Variants in RGS7 observed in about 807,000 individuals in gnomAD.
RGS7 encodes regulator of G-protein signaling 7.
In RGS7, 27 loss-of-function variants were observed where a neutral mutation model predicts 81.1. The ratio of observed to expected loss-of-function variants is 0.33; its 90% CI spans 0.25 to 0.46. RGS7 has a LOEUF of 0.46. RGS7 is among the 20% of genes least tolerant of loss of function. The probability of loss-of-function intolerance (pLI) is 1.00; values close to 1 mark genes in which losing one functional copy is unlikely to be tolerated. For missense variants in RGS7, 396 were observed against 607.4 expected (o/e 0.65, Z 3.66); for synonymous variants, 208 against 207.7 (o/e 1.00, Z -0.01).
chr1:241,131,034 CA>C (rs2067052803), intron 2 of RGS7, among the ~76,000 whole-genome samples: 1 of 151,038 alleles, frequency 6.6e-6, no homozygotes, highest in Non-Finnish European at 1.5e-5. Context: ...AACTTTGTTA[CA>C]GAGATTTATT....
intron 3 of RGS7, among the ~76,000 whole-genome samples, chr1:241,036,212 T>G (rs1232836838): frequency 6.6e-6 from 1 of 152,110 alleles, no homozygotes; most frequent in Non-Finnish European, 1.5e-5. Context: ...TCAAACTATG[T>G]CTTTAAAATT....
At chr1:241,028,024 G>A (rs2059879869) in intron 3 of RGS7, among the ~76,000 whole-genome samples, 1 of 152,212 alleles carries the variant, frequency 6.6e-6, no homozygotes, top group Admixed American at 6.5e-5. Flanking sequence ...CCACTGGAGA[G>A]AAACGTGTAT....
chr1:241,350,557 C>T (rs2083171773), intron 2 of RGS7, among the ~76,000 whole-genome samples: 1 of 151,974 alleles, frequency 6.6e-6, no homozygotes, highest in South Asian at 2.1e-4. Context: ...TGTATATATT[C>T]CTCACTCTGC....
intron 4 of RGS7, among the ~76,000 whole-genome samples, chr1:240,939,310 T>A (rs1677166372): frequency 6.6e-6 from 1 of 152,228 alleles, no homozygotes; most frequent in Non-Finnish European, 1.5e-5. Flanking sequence ...TTATTCTGAT[T>A]TGATCATTGC....
intron 3 of RGS7, among the ~76,000 whole-genome samples, chr1:241,092,259 A>C (rs181087639): frequency 2.0e-4 from 31 of 152,328 alleles, no homozygotes; most frequent in African/African-American, 7.5e-4. Context: ...AGTACCACAA[A>C]TGAAGCAACT....
chr1:241,000,548 T>C (rs1217014249), intron 3 of RGS7, among the ~76,000 whole-genome samples: 1 of 152,204 alleles, frequency 6.6e-6, no homozygotes, highest in Non-Finnish European at 1.5e-5. Flanking sequence ...GGTAAGACTT[T>C]CTTTTTTTCA....
chr1:241,150,733 A>G (rs2068686965), intron 2 of RGS7, among the ~76,000 whole-genome samples: 1 of 152,212 alleles, frequency 6.6e-6, no homozygotes, highest in Non-Finnish European at 1.5e-5. Context: ...GAGGGAATTT[A>G]TTAGGGGAAT....
chr1:241,054,670 A>T (rs1032662232), intron 3 of RGS7, among the ~76,000 whole-genome samples: 1 of 152,188 alleles, frequency 6.6e-6, no homozygotes, highest in African/African-American at 2.4e-5. Flanking sequence ...TCAACCACAC[A>T]TCTATTAAGA....
rs1662302939 is a variant in RGS7, at chr1:240,862,055, T to C, written c.609+6532A>G. 2.0e-5 allele frequency among the ~76,000 whole-genome samples: 3 copies of C among 152,312 alleles called. No individual in the cohort carries two copies. The South Asian group carries it at 6.2e-4, about 32-fold the overall frequency. ...ATCTTTGTCATCCTACAATTTGGTG[T>C]ATTTCTCCCACTATATTCTTCAGTA... On this transcript the variant is annotated intron_variant, in intron 9 of 18. Coordinates refer to ENST00000440928, the MANE Select transcript of RGS7 (RefSeq NM_001364886.1).
At chr1:240,946,084 A>G (rs923405288) in intron 4 of RGS7, among the ~76,000 whole-genome samples, 1 of 152,216 alleles carries the variant, frequency 6.6e-6, no homozygotes, top group Admixed American at 6.5e-5. Flanking sequence ...ACAGTCTTTC[A>G]TAAACAATTT....
At chr1:241,215,912 C>A (rs1364073427) in intron 2 of RGS7, among the ~76,000 whole-genome samples, 1 of 152,168 alleles carries the variant, frequency 6.6e-6, no homozygotes, top group Non-Finnish European at 1.5e-5. Context: ...TAATGTGTAA[C>A]CATGAGTGAA....
intron 2 of RGS7, among the ~76,000 whole-genome samples, chr1:241,329,145 C>T (rs2081804813): frequency 6.6e-6 from 1 of 152,136 alleles, no homozygotes; most frequent in Non-Finnish European, 1.5e-5. Flanking sequence ...TCCTCATTTC[C>T]AACTTCGAGA....
intron 2 of RGS7, among the ~76,000 whole-genome samples, chr1:241,186,964 C>T (rs71648643): frequency 0.12 from 17,974 of 152,150 alleles, 1,400 homozygotes; most frequent in Admixed American, 0.19. Context: ...ACATGATTCA[C>T]TCATATTATT....
intron 3 of RGS7, among the ~76,000 whole-genome samples, chr1:240,991,673 T>C (rs1366791981): frequency 6.6e-6 from 1 of 152,266 alleles, no homozygotes; most frequent in Non-Finnish European, 1.5e-5. Context: ...TATATTTTTA[T>C]GTTTTAGTTC....
Position 240,896,315 on chromosome 1 carries a change from T to C in RGS7, c.386-26196A>G, listed in dbSNP as rs531733209. 1.7e-3 allele frequency among the ~76,000 whole-genome samples: 265 copies of C among 152,320 alleles called. 3 individuals carry two copies. The highest frequency in any genetic ancestry group is 5.4e-4 in the Non-Finnish European group (37 of 68,024). ...AGATCCCATTTGTCAATTTTGTCTT[T>C]TGTTGCCATTGCTTTTGGTGTTTTA... On this transcript the variant is annotated intron_variant, in intron 6 of 18. Coordinates refer to ENST00000440928, the MANE Select transcript of RGS7 (RefSeq NM_001364886.1).
chr1:240,891,405 C>T (rs368881669), intron 6 of RGS7, among the ~76,000 whole-genome samples: 2 of 152,122 alleles, frequency 1.3e-5, no homozygotes, highest in Non-Finnish European at 2.9e-5. Flanking sequence ...TTTGGCCTCA[C>T]GACCTTGGCC....
intron 2 of RGS7, among the ~76,000 whole-genome samples, chr1:241,256,926 T>TACACAC (rs10552436): frequency 0.021 from 3,030 of 146,224 alleles, 52 homozygotes; most frequent in Non-Finnish European, 0.031. Context: ...CCACTAGAAA[T>TACACAC]ACACACACAC....
At chr1:241,206,274 G>A (rs1383650710) in intron 2 of RGS7, among the ~76,000 whole-genome samples, 1 of 149,136 alleles carries the variant, frequency 6.7e-6, no homozygotes, top group Non-Finnish European at 1.5e-5. Context: ...CTGTCACCAG[G>A]CTGGGGTGCA....
chr1:241,114,417 C>T (rs536438578), intron 2 of RGS7, among the ~76,000 whole-genome samples: 2 of 151,986 alleles, frequency 1.3e-5, no homozygotes, highest in African/African-American at 2.4e-5. Flanking sequence ...TGGTGGTGGA[C>T]GATTACCTTG....
Sources: gnomAD v4.1 joint callset for allele counts (sites outside exome capture counted in the v4.1 genomes callset) on GRCh38, gnomAD v4.1.1 for gene constraint, MANE v1.5 for transcripts, NCBI Gene and HGNC (gene_info 2026-07-23, HGNC 2026-07-21) for gene names.